Variants in ARHGEF2 observed in about 807,000 individuals in gnomAD.
The protein encoded by ARHGEF2 is Rho/Rac guanine nucleotide exchange factor 2.
A neutral mutation model predicts 121.0 loss-of-function variants in ARHGEF2; 22 were observed. The ratio of observed to expected loss-of-function variants is 0.18; its 90% confidence interval spans 0.13 to 0.26. ARHGEF2 has a LOEUF of 0.26. ARHGEF2 is among the 10% of genes least tolerant of loss of function. The probability of loss-of-function intolerance (pLI) is 1.00; values close to 1 mark genes in which losing one functional copy is unlikely to be tolerated. For synonymous variants in ARHGEF2, 487 were observed against 530.0 expected (o/e 0.92, Z 1.11); for missense variants, 907 against 1,336.0 (o/e 0.68, Z 5.01).
At position 155,951,578 on chromosome 1, in the gene ARHGEF2, G is replaced by A. The variant is rs1675465523; in HGVS notation, c.2209-45C>T. On this transcript the variant is annotated intron_variant, in intron 18 of 21. Coordinates refer to ENST00000361247, the MANE Select transcript of ARHGEF2 (RefSeq NM_001162383.2). The surrounding 1 kb of genome is among the most constrained non-coding windows in gnomAD (Gnocchi z 5.1). ...GAACAGGGCCCCAGCTTTAGGATGG[G>A]AGAACTGCCCAAAAGTTGAACAAGG... The A allele has an allele frequency of 1.9e-6, 3 of 1,613,588 alleles. No individual in the cohort carries two copies. The African/African-American group carries it at 4.0e-5, about 22-fold the overall frequency.
Position 155,961,558 on chromosome 1 carries a change from A to T in ARHGEF2, c.1468+103T>A. On this transcript the variant is annotated intron_variant, in intron 11 of 21. Coordinates refer to ENST00000361247, the MANE Select transcript of ARHGEF2 (RefSeq NM_001162383.2). This position sits in a 1 kb window ranked among gnomAD's most constrained non-coding sequence, Gnocchi z 4.7. ...CTAAGTGCTGGGATTACAGGCGTTGAGCCACTGCACCCGGCCAAGAGAGGT... is the reference window on the plus strand; with the variant it reads ...CTAAGTGCTGGGATTACAGGCGTTGTGCCACTGCACCCGGCCAAGAGAGGT... 1 of 1,498,248 alleles carries T rather than the reference A, an allele frequency of 6.7e-7. No homozygotes were observed. Among genetic ancestry groups the T allele is most frequent in the South Asian group, 1.3e-5 (1 of 78,998 alleles). The allele number at this position is 1,498,248 out of a possible 1,614,324, so 92.8% of individuals were successfully genotyped here. A position where few individuals can be genotyped will look rare whatever the true frequency, so the allele number is the denominator to read the frequency against.
Position 155,961,975 on chromosome 1 carries a change from G to A in ARHGEF2, c.1220-66C>T. 1 of 1,605,758 alleles carries A rather than the reference G, an allele frequency of 6.2e-7. No homozygotes were observed. The highest frequency in any genetic ancestry group is 8.5e-7 in the Non-Finnish European group (1 of 1,174,258). Reference sequence around the variant, plus strand: ...TCACTCACACCCCAGTTCCCATCGTGTCTTGATTCCACCTTTAGAGGCTGC... The same window carrying A: ...TCACTCACACCCCAGTTCCCATCGTATCTTGATTCCACCTTTAGAGGCTGC... On this transcript the variant is annotated intron_variant, in intron 10 of 21. Transcript: ENST00000361247. This position sits in a 1 kb window ranked among gnomAD's most constrained non-coding sequence, Gnocchi z 4.7.
intron 2 of ARHGEF2, chr1:155,968,355 A>G (rs1262755339): frequency 6.6e-6 from 1 of 152,010 alleles, no homozygotes; most frequent in Non-Finnish European, 1.5e-5. Flanking sequence ...TACAGGCTAG[A>G]GCTTTTGTCC....
rs779458551 is a variant in ARHGEF2 at position 155,951,090 on chromosome 1, C to T, written c.2442G>A (p.Leu814=). 9.4e-6 allele frequency: 15 copies of T among 1,601,730 alleles called. No homozygotes were observed. The highest frequency in any genetic ancestry group is 2.7e-5 in the African/African-American group (2 of 74,760). ...GCCGGCAGCGCCGTAGCTCCTCCTG[C>T]AGCAGCGCATGTTGCCGCTGCAGTA... ...LALLQRQHAL[L]QEELRRCRRL... Residue 814 remains leucine (L), a synonymous_variant, in exon 20 of 22, where the codon CTG becomes CTA. Coordinates refer to ENST00000361247, the MANE Select transcript of ARHGEF2 (RefSeq NM_001162383.2). This position sits in a 1 kb window ranked among gnomAD's most constrained non-coding sequence, Gnocchi z 5.1.
rs1219715810 is a variant in ARHGEF2 at position 155,951,853 on chromosome 1, G to T, written c.2172+66C>A. On this transcript the variant is annotated intron_variant, in intron 17 of 21. Coordinates refer to ENST00000361247, the MANE Select transcript of ARHGEF2 (RefSeq NM_001162383.2). This position sits in a 1 kb window ranked among gnomAD's most constrained non-coding sequence, Gnocchi z 5.1. ...CCTGCCCCTGACAGCTTTGTGTTGA[G>T]GATCCAGAGGCTGGCTGTCCCTCTC... 1 of 1,612,862 alleles carries T rather than the reference G, an allele frequency of 6.2e-7. No individual in the cohort carries two copies. The highest frequency in any genetic ancestry group is 1.3e-5 in the African/African-American group (1 of 75,000).
chr1:155,972,270 C>T (rs1475480626), intron 1 of ARHGEF2: 1 of 466,852 alleles, frequency 2.1e-6, no homozygotes, highest in East Asian at 6.9e-5. Context: ...CTCGAAGTGA[C>T]CCCTGCTCTA....
rs1269176030 is a variant in ARHGEF2 at position 155,955,064 on chromosome 1, C to T, written c.1716-95G>A. On this transcript the variant is annotated intron_variant, in intron 13 of 21. Coordinates refer to ENST00000361247, the MANE Select transcript of ARHGEF2 (RefSeq NM_001162383.2). The stretch of plus-strand genomic sequence containing the variant: ...TCCTTCCCAAACATGCCTTATGCTT[C>T]CATCTTCTGATAAGACTCCTCAGCC... 1.6e-5 allele frequency: 16 copies of T among 1,000,720 alleles called. No individual in the cohort carries two copies. In the Admixed American group the frequency reaches 3.0e-4, roughly 19 times the overall value. 62.0% of individuals were successfully genotyped at this position (1,000,720 alleles called of 1,614,324 possible). A position where few individuals can be genotyped will look rare whatever the true frequency, so the allele number is the denominator to read the frequency against.
Position 155,963,197 on chromosome 1 carries a change from T to C in ARHGEF2, c.725-14A>G, listed in dbSNP as rs1678320960. 6.2e-7 allele frequency: 1 copy of C among 1,602,490 alleles called. No homozygotes were observed. The highest frequency in any genetic ancestry group is 1.1e-5 in the South Asian group (1 of 91,028). On this transcript the variant is annotated splice_polypyrimidine_tract_variant and intron_variant, in intron 7 of 21. Transcript: ENST00000361247. Reference sequence around the variant, plus strand: ...TCTGGATTAGCTCTGTGGGGGACATTGGGACATTTGGCCTCTACCCTGGCT... The same window carrying C: ...TCTGGATTAGCTCTGTGGGGGACATCGGGACATTTGGCCTCTACCCTGGCT...
rs747693161 is a variant in ARHGEF2, at chr1:155,951,231, G to A, written c.2301C>T (p.Phe767=). Residue 767 remains phenylalanine, a synonymous_variant, in exon 20 of 22, where the codon TTC becomes TTT. Coordinates refer to ENST00000361247, the MANE Select transcript of ARHGEF2 (RefSeq NM_001162383.2). This position sits in a 1 kb window ranked among gnomAD's most constrained non-coding sequence, Gnocchi z 5.1. ...AQQDTLMEAR[F]PEGPERREKL... ...TCTCCCGCCGCTCAGGGCCCTCAGG[G>A]AACCGGGCTTCCATCAGAGTGTCCT... is the stretch of plus-strand genomic sequence containing the variant. 2.5e-6 allele frequency: 4 copies of A among 1,611,010 alleles called. No individual in the cohort carries two copies. The highest frequency in any genetic ancestry group is 1.7e-4 in the Middle Eastern group (1 of 6,038).
chr1:155,964,947 C>A (rs779258117), intron 7 of ARHGEF2, 41 bp downstream of exon 7: 1 of 1,566,366 alleles, frequency 6.4e-7, no homozygotes, highest in Non-Finnish European at 8.6e-7. Flanking sequence ...ATAAACAGGA[C>A]CTGGTGAAGG....
chr1:155,954,445 G>C (rs1175147032), intron 14 of ARHGEF2, among the ~76,000 whole-genome samples: 1 of 146,078 alleles, frequency 6.8e-6, no homozygotes, highest in East Asian at 2.0e-4. Context: ...CACCACCCCC[G>C]ACTAATTTTT....
At position 155,950,292 on chromosome 1, in the gene ARHGEF2, G is replaced by T; in HGVS notation, c.2887+7C>A. ...ACCTCTGGTCCATGTCTCCGCCAGGGTCTCACCTCGTGGACTGTGGGGCGG... is the reference window on the plus strand; with the variant it reads ...ACCTCTGGTCCATGTCTCCGCCAGGTTCTCACCTCGTGGACTGTGGGGCGG... On this transcript the variant is annotated splice_region_variant and intron_variant, in intron 21 of 21. Coordinates refer to ENST00000361247, the MANE Select transcript of ARHGEF2 (RefSeq NM_001162383.2). This position sits in a 1 kb window ranked among gnomAD's most constrained non-coding sequence, Gnocchi z 5.2. 2 of 1,611,496 alleles carry T rather than the reference G, an allele frequency of 1.2e-6. No individual in the cohort carries two copies. Among genetic ancestry groups the T allele is most frequent in the South Asian group, 1.1e-5 (1 of 91,032 alleles).
In ARHGEF2 at chr1:155,964,167, A is replaced by AATATATATAT. The variant is rs869033599; in HGVS notation, c.724+811_724+820dup. 4.9e-4 allele frequency among the ~76,000 whole-genome samples: 45 copies of AATATATATAT among 91,158 alleles called. 1 individual carries two copies. The highest frequency in any genetic ancestry group is 2.2e-3 in the African/African-American group (37 of 16,496). The allele number at this position is 91,158 out of a possible 152,430, so 59.8% of individuals were successfully genotyped here. A position where few individuals can be genotyped will look rare whatever the true frequency, so the allele number is the denominator to read the frequency against. ...TTCAAAAAAAAAAAAAAAAAAAAAA[A>AATATATATAT]ATATATATATATATATATATATATA... On this transcript the variant is annotated intron_variant, in intron 7 of 21. Transcript: ENST00000361247.
In ARHGEF2 at chr1:155,952,778, C is replaced by A. The variant is rs746681074; in HGVS notation, c.1834G>T (p.Val612Phe). 2 of 1,614,222 alleles carry A rather than the reference C, an allele frequency of 1.2e-6. No homozygotes were observed. Among genetic ancestry groups the A allele is most frequent in the Non-Finnish European group, 1.7e-6 (2 of 1,180,038 alleles). ...TGGGTCATCTCAGCAAACAGCCCGA[C>A]CTTCTCTCGCAGCAGCTCCACCAGT... ...RALVELLREK[V>F]GLFAEMTHFQ... Residue 612 changes from valine to phenylalanine, a missense_variant, in exon 15 of 22, where the codon GTC (valine) becomes TTC (phenylalanine). By Grantham distance (50) the Val-to-Phe change is conservative. This residue lies in a region of ARHGEF2 where 432 missense variants were observed against 559.5 expected (regional missense o/e 0.77). Transcript: ENST00000361247.
intron 14 of ARHGEF2, among the ~76,000 whole-genome samples, chr1:155,953,418 C>T (rs746528725): frequency 1.3e-5 from 2 of 152,148 alleles, no homozygotes; most frequent in Non-Finnish European, 1.5e-5. Flanking sequence ...CTGACTTGCA[C>T]GTGACTATAT....
chr1:155,955,767 G>A (rs1019583855), intron 13 of ARHGEF2, among the ~76,000 whole-genome samples: 4 of 152,010 alleles, frequency 2.6e-5, no homozygotes, highest in African/African-American at 9.7e-5. Context: ...CCAGGCTGGA[G>A]TCCAGTGACA....
In ARHGEF2 at chr1:155,950,470, T is replaced by C; in HGVS notation, c.2716A>G (p.Thr906Ala). Residue 906 changes from threonine to alanine, a missense_variant, in exon 21 of 22, where the codon ACT (threonine) becomes GCT (alanine). By Grantham distance (58) the Thr-to-Ala change is moderately conservative (BLOSUM62 0). Coordinates refer to ENST00000361247, the MANE Select transcript of ARHGEF2 (RefSeq NM_001162383.2). This position sits in a 1 kb window ranked among gnomAD's most constrained non-coding sequence, Gnocchi z 5.2. ...GTGACAGGTAGATCCAGGCGGTCAG[T>C]GCCTCGGCTGGGCTGTGGACAGTGG... is the stretch of plus-strand genomic sequence containing the variant. ...SFNPPQPSRGTDRLDLPVTTR... is the reference protein window; with the variant it reads ...SFNPPQPSRGADRLDLPVTTR... 1 of 1,613,754 alleles carries C rather than the reference T, an allele frequency of 6.2e-7. No homozygotes were observed. Among genetic ancestry groups the C allele is most frequent in the Non-Finnish European group, 8.5e-7 (1 of 1,180,020 alleles).
intron 1 of ARHGEF2, among the ~76,000 whole-genome samples, chr1:155,977,536 G>A (rs867800199): frequency 2.0e-5 from 3 of 152,126 alleles, no homozygotes; most frequent in Non-Finnish European, 4.4e-5. Context: ...GGAAGGGCAG[G>A]GAACACAATG....
chr1:155,952,608 T>A lies in ARHGEF2; in HGVS notation c.1984+20A>T. 1 of 1,600,428 alleles carries A rather than the reference T, an allele frequency of 6.2e-7. No homozygotes were observed. Among genetic ancestry groups the A allele is most frequent in the South Asian group, 1.1e-5 (1 of 89,262 alleles). ...ACGGTGAGTGCTTGAGCCTGGACTC[T>A]TCCCTGGGAGCTCCCTCACCCTCAC... is the stretch of plus-strand genomic sequence containing the variant. On this transcript the variant is annotated intron_variant, in intron 15 of 21. Coordinates refer to ENST00000361247, the MANE Select transcript of ARHGEF2 (RefSeq NM_001162383.2).
Sources: gnomAD v4.1 joint callset for allele counts (sites outside exome capture counted in the v4.1 genomes callset) on GRCh38, gnomAD v4.1.1 for gene constraint, gnomAD v4.1.1 regional missense constraint, Gnocchi (gnomAD v3.1) non-coding constraint, MANE v1.5 for transcripts, NCBI Gene and HGNC (gene_info 2026-07-23, HGNC 2026-07-21) for gene names.